The following ATRNL1 variants were observed in gnomAD, a reference collection of about 807,000 sequenced individuals.
ATRNL1 encodes the protein attractin like 1.
A neutral mutation model predicts 182.7 loss-of-function variants in ATRNL1; 95 were observed. The observed-to-expected ratio is 0.52, with a 90% CI of 0.44 to 0.62. The LOEUF (loss-of-function observed/expected upper bound fraction) is 0.62. Ranked by LOEUF, ATRNL1 falls within the 20% of genes least tolerant of loss-of-function variation. The pLI is 0.00. For missense variants in ATRNL1, 1,471 were observed against 1,679.5 expected, an observed-to-expected ratio of 0.88 and a Z score of 2.17; for synonymous variants, 576 against 568.3, an observed-to-expected ratio of 1.01 and a Z score of -0.19.
chr10:115,533,211 G>A lies in ATRNL1; in HGVS notation c.3716+13887G>A, dbSNP rs1293613204. Among the ~76,000 whole-genome samples, 9 of 151,348 alleles carry A rather than the reference G, an allele frequency of 5.9e-5. No homozygotes were observed. In the East Asian group the frequency reaches 9.7e-4, roughly 16 times the overall value. ...CCTCCTTGTACCTCTGGTAGAATTC[G>A]GCTGTGAATCCATCTGGTCCTGGAC... On this transcript the variant is annotated intron_variant, in intron 25 of 28. Transcript: ENST00000355044.
Position 115,947,218 on chromosome 10 carries a change from T to C in ATRNL1, c.*2439T>C, listed in dbSNP as rs909953917. ...TAATCACTTTGAATCTGTTGGTTTT[T>C]CCCCCTACATTCCAGACACTTTAAA... On this transcript the variant is annotated 3_prime_UTR_variant, in exon 29 of 29. Coordinates refer to ENST00000355044, the MANE Select transcript of ATRNL1 (RefSeq NM_207303.4). The C allele has an allele frequency of 6.5e-6, 1 of 152,718 alleles. No individual in the cohort carries two copies. The highest frequency in any genetic ancestry group is 1.5e-5 in the Non-Finnish European group (1 of 68,028). 9.5% of individuals were successfully genotyped at this position (152,718 alleles called of 1,614,324 possible). A position where few individuals can be genotyped will look rare whatever the true frequency, so the allele number is the denominator to read the frequency against.
At chr10:115,502,169 A>G (rs1215121035) in intron 24 of ATRNL1, among the ~76,000 whole-genome samples, 1 of 152,158 alleles carries the variant, frequency 6.6e-6, no homozygotes, top group African/African-American at 2.4e-5. Context: ...TTTGGAATAC[A>G]TATCAATAAT....
chr10:115,136,735 TGTTTAA>T (rs1475483688), intron 5 of ATRNL1, among the ~76,000 whole-genome samples: 1 of 152,224 alleles, frequency 6.6e-6, no homozygotes, highest in Non-Finnish European at 1.5e-5. Context: ...TGACAAGATA[TGTTTAA>T]GTTTCCTCCA....
chr10:115,751,838 T>C (rs1948457684), intron 27 of ATRNL1, among the ~76,000 whole-genome samples: 1 of 152,026 alleles, frequency 6.6e-6, no homozygotes, highest in African/African-American at 2.4e-5. Context: ...CCTACACATA[T>C]ATATTTGCTT....
intron 17 of ATRNL1, among the ~76,000 whole-genome samples, chr10:115,311,074 G>A (rs750143836): frequency 5.3e-5 from 8 of 151,964 alleles, no homozygotes; most frequent in Non-Finnish European, 1.0e-4. Flanking sequence ...CCCCAAAATC[G>A]TTCAGGAGCA....
At chr10:115,540,528 G>C (rs1283272736) in intron 25 of ATRNL1, among the ~76,000 whole-genome samples, 1 of 152,100 alleles carries the variant, frequency 6.6e-6, no homozygotes, top group Non-Finnish European at 1.5e-5. Flanking sequence ...TTGGGAGGCT[G>C]AGGCAGGTGG....
In ATRNL1 at chr10:115,924,435, A is replaced by G. The variant is rs567053336; in HGVS notation, c.4019-20223A>G. Among the ~76,000 whole-genome samples, 34 of 152,236 alleles carry G rather than the reference A, an allele frequency of 2.2e-4. No individual in the cohort carries two copies. The South Asian group carries it at 6.6e-3, about 30-fold the overall frequency. The stretch of plus-strand genomic sequence containing the variant: ...TGAATTAATTTTTGTATAAGGTGTA[A>G]GGAAGGGGTCCTGTTTCAGTTTTCT... On this transcript the variant is annotated intron_variant, in intron 28 of 28. Transcript: ENST00000355044.
rs144180557 is a variant in ATRNL1, at chr10:115,773,240, A to G, written c.3903+45885A>G. On this transcript the variant is annotated intron_variant, in intron 27 of 28. Transcript: ENST00000355044. ...ATCCATTCCCAAAAAATTTCTCCTA[A>G]ATGTCTACCATTAGCAATTCATTCC... Among the ~76,000 whole-genome samples the G allele has an allele frequency of 9.2e-3, 1,395 of 152,272 alleles. 29 individuals carry two copies. Among genetic ancestry groups the G allele is most frequent in the African/African-American group, 0.032 (1,319 of 41,546 alleles).
chr10:115,245,071 T>C (rs1280818888), intron 10 of ATRNL1, among the ~76,000 whole-genome samples: 1 of 152,202 alleles, frequency 6.6e-6, no homozygotes, highest in Non-Finnish European at 1.5e-5. Flanking sequence ...AGTGATTATT[T>C]AAAAACTAAA....
At chr10:115,301,488 A>G (rs906724994) in intron 16 of ATRNL1, among the ~76,000 whole-genome samples, 33 of 152,192 alleles carry the variant, frequency 2.2e-4, no homozygotes, top group African/African-American at 8.0e-4. Context: ...CTTACAGGAC[A>G]TTTACTTTGT....
chr10:115,537,513 A>T (rs1328012), intron 25 of ATRNL1, among the ~76,000 whole-genome samples: 4 of 152,052 alleles, frequency 2.6e-5, no homozygotes, highest in Admixed American at 6.5e-5. Context: ...TCAATATATT[A>T]TATGTAAATT....
At chr10:115,647,621 T>A (rs2133872568) in intron 26 of ATRNL1, among the ~76,000 whole-genome samples, 1 of 152,348 alleles carries the variant, frequency 6.6e-6, no homozygotes. Context: ...TCTGTTCATA[T>A]CCTTTGCCCA....
chr10:115,380,906 A>G (rs987725753), intron 19 of ATRNL1, among the ~76,000 whole-genome samples: 1 of 152,132 alleles, frequency 6.6e-6, no homozygotes, highest in African/African-American at 2.4e-5. Context: ...ATATTTCTAG[A>G]AGTAGATTTG....
At position 115,402,122 on chromosome 10, in the gene ATRNL1, G is replaced by T. The variant is rs193076111; in HGVS notation, c.3269+7370G>T. Among the ~76,000 whole-genome samples the T allele has an allele frequency of 4.9e-4, 74 of 152,086 alleles. 2 individuals are homozygous for T. The highest frequency in any genetic ancestry group is 3.5e-3 in the South Asian group (17 of 4,820). On this transcript the variant is annotated intron_variant, in intron 20 of 28. Transcript: ENST00000355044. ...CAAATTCTGAATAATATTATAAAAG[G>T]TATATTTTCAATTTACATGATAGTT... is the stretch of plus-strand genomic sequence containing the variant.
intron 24 of ATRNL1, among the ~76,000 whole-genome samples, chr10:115,474,226 G>A (rs1311944594): frequency 6.6e-6 from 1 of 151,296 alleles, no homozygotes; most frequent in African/African-American, 2.4e-5. Context: ...ACATTGCCAG[G>A]TAAGGTATTC....
At chr10:115,251,997 A>G (rs941322054) in intron 10 of ATRNL1, among the ~76,000 whole-genome samples, 2 of 152,002 alleles carry the variant, frequency 1.3e-5, no homozygotes, top group African/African-American at 2.4e-5. Flanking sequence ...TCCTGCCAAC[A>G]TGTGCTGTCT....
intron 6 of ATRNL1, among the ~76,000 whole-genome samples, chr10:115,165,248 T>C (rs1846983459): frequency 6.6e-6 from 1 of 152,030 alleles, no homozygotes; most frequent in Admixed American, 6.6e-5. Flanking sequence ...GTCAAATCAC[T>C]ATTGTTTAGC....
intron 5 of ATRNL1, among the ~76,000 whole-genome samples, chr10:115,132,519 A>G (rs1845299437): frequency 1.3e-5 from 2 of 152,168 alleles, no homozygotes; most frequent in Admixed American, 6.5e-5. Flanking sequence ...GTCTTCCACA[A>G]TGGTTGAACT....
In ATRNL1 at chr10:115,377,533, C is replaced by T. The variant is rs74665736; in HGVS notation, c.3176-17126C>T. Among the ~76,000 whole-genome samples the T allele has an allele frequency of 4.5e-3, 686 of 152,208 alleles. 7 individuals carry two copies. Among genetic ancestry groups the T allele is most frequent in the African/African-American group, 0.016 (644 of 41,536 alleles). ...ATCTTTAGCATCATTATTTTGAATT[C>T]TTTTTCAGGCAATTTGTATTTCTCC... is the stretch of plus-strand genomic sequence containing the variant. On this transcript the variant is annotated intron_variant, in intron 19 of 28. Transcript: ENST00000355044.
Sources: gnomAD v4.1 joint callset for allele counts (sites outside exome capture counted in the v4.1 genomes callset) on GRCh38, gnomAD v4.1.1 for gene constraint, MANE v1.5 for transcripts, NCBI Gene and HGNC (gene_info 2026-07-23, HGNC 2026-07-21) for gene names.